Variants in SDK1 observed in about 807,000 individuals in gnomAD.
SDK1 encodes the protein sidekick cell adhesion molecule 1, also known as protein sidekick-1.
SDK1 carries 157 observed loss-of-function variants against 245.5 expected under a neutral mutation model. The ratio of observed to expected loss-of-function variants is 0.64; its 90% CI spans 0.56 to 0.73. SDK1 has a LOEUF of 0.73. Among genes scored for constraint, SDK1 ranks in the 30% least tolerant of loss-of-function variants. The probability of loss-of-function intolerance (pLI) is 0.00; values close to 1 mark genes in which losing one functional copy is unlikely to be tolerated. For synonymous variants in SDK1, 1,647 were observed against 1,278.5 expected, an observed-to-expected ratio of 1.29 and a Z score of -6.15; for missense variants, 3,583 against 3,002.3, an observed-to-expected ratio of 1.19 and a Z score of -4.52.
intron 1 of SDK1, among the ~76,000 whole-genome samples, chr7:3,543,570 A>C (rs555637060): frequency 6.6e-6 from 1 of 152,360 alleles, no homozygotes; most frequent in Admixed American, 6.5e-5. Context: ...ACATAAAGGC[A>C]GGTCTGGAAA....
Position 3,940,652 on chromosome 7 carries a change from G to A in SDK1, c.848-10271G>A, listed in dbSNP as rs181694568. ...AGCCTGGGCAACACGATGAAACCCC[G>A]TCTACTAAAAATACAAAAAATAGCC... On this transcript the variant is annotated intron_variant, in intron 5 of 44. Coordinates refer to ENST00000404826, the MANE Select transcript of SDK1 (RefSeq NM_152744.4). 1.7e-3 allele frequency among the ~76,000 whole-genome samples: 258 copies of A among 151,792 alleles called. 1 individual carries two copies. The highest frequency in any genetic ancestry group is 3.1e-3 in the Non-Finnish European group (212 of 67,942).
At position 3,846,106 on chromosome 7, in the gene SDK1, C is replaced by T. The variant is rs186083913; in HGVS notation, c.847+24523C>T. Among the ~76,000 whole-genome samples the T allele has an allele frequency of 7.9e-5, 12 of 152,234 alleles. No homozygotes were observed. In the East Asian group the frequency reaches 2.3e-3, roughly 29 times the overall value. ...AAGTGCGTCCCAGGAATTTTATTAA[C>T]TATATGTTTAGGTTGCTGAGAAATG... is the stretch of plus-strand genomic sequence containing the variant. On this transcript the variant is annotated intron_variant, in intron 5 of 44. Transcript: ENST00000404826.
intron 1 of SDK1, among the ~76,000 whole-genome samples, chr7:3,446,488 T>A (rs990714650): frequency 6.6e-6 from 1 of 152,176 alleles, no homozygotes; most frequent in Admixed American, 6.5e-5. Flanking sequence ...AGTCCTTTCT[T>A]TGACTTTGAG....
At chr7:3,576,463 C>T (rs775382600) in intron 1 of SDK1, among the ~76,000 whole-genome samples, 16 of 152,016 alleles carry the variant, frequency 1.1e-4, no homozygotes, top group Non-Finnish European at 1.8e-4. Context: ...AAGAAGTCCC[C>T]GTTTGCAGTG....
chr7:3,618,313 A>G (rs905570485), intron 1 of SDK1, among the ~76,000 whole-genome samples: 101 of 152,188 alleles, frequency 6.6e-4, no homozygotes, highest in African/African-American at 2.4e-3. Context: ...TCGCTATCCC[A>G]TCCCTCAGAG....
chr7:4,244,467 T>C (rs982186037), intron 43 of SDK1, among the ~76,000 whole-genome samples: 1 of 151,972 alleles, frequency 6.6e-6, no homozygotes, highest in Admixed American at 6.6e-5. Context: ...GTACTCAGAG[T>C]TTTTCCCCAA....
Position 4,268,909 on chromosome 7 carries a change from T to C in SDK1, c.*3525T>C, listed in dbSNP as rs1788637393. The C allele has an allele frequency of 2.6e-6, 1 of 387,260 alleles. No individual in the cohort carries two copies. Among genetic ancestry groups the C allele is most frequent in the Non-Finnish European group, 5.0e-6 (1 of 200,448 alleles). The allele number at this position is 387,260 out of a possible 1,614,324, so 24.0% of individuals were successfully genotyped here. ...TTCTGAAATTGTGCAGAAAAACAGA[T>C]CTCATTAAAAGAAAAAAAGAAACAA... On this transcript the variant is annotated 3_prime_UTR_variant, in exon 45 of 45. Coordinates refer to ENST00000404826, the MANE Select transcript of SDK1 (RefSeq NM_152744.4).
At chr7:3,627,720 A>G (rs149331769) in intron 2 of SDK1, among the ~76,000 whole-genome samples, 2 of 152,188 alleles carry the variant, frequency 1.3e-5, no homozygotes, top group African/African-American at 4.8e-5. Flanking sequence ...TGACCGATTG[A>G]TGTCCCATTT....
chr7:3,452,451 C>T (rs1006240640), intron 1 of SDK1, among the ~76,000 whole-genome samples: 2 of 152,038 alleles, frequency 1.3e-5, no homozygotes, highest in African/African-American at 4.8e-5. Flanking sequence ...TATAAACATC[C>T]CTGTAATAAA....
chr7:3,585,177 A>G (rs1780644259), intron 1 of SDK1, among the ~76,000 whole-genome samples: 1 of 152,214 alleles, frequency 6.6e-6, no homozygotes, highest in East Asian at 1.9e-4. Context: ...ACCTGAGCAA[A>G]GATAGACTCT....
rs115097636 is a variant in SDK1, at chr7:3,326,923, C to T, written c.298+25039C>T. 4.6e-3 allele frequency among the ~76,000 whole-genome samples: 702 copies of T among 151,842 alleles called. 7 individuals are homozygous for T. The highest frequency in any genetic ancestry group is 0.016 in the African/African-American group (674 of 41,250). On this transcript the variant is annotated intron_variant, in intron 1 of 44. Transcript: ENST00000404826. The stretch of plus-strand genomic sequence containing the variant: ...ATTTTTTAAATATACTTACTGGGTA[C>T]AAAGTGGTTATAAACTTTAATAGTG...
chr7:3,880,872 C>T (rs1781193153), intron 5 of SDK1, among the ~76,000 whole-genome samples: 1 of 152,074 alleles, frequency 6.6e-6, no homozygotes, highest in South Asian at 2.1e-4. Context: ...CTTTATGTAG[C>T]ATGGGTCACT....
intron 2 of SDK1, among the ~76,000 whole-genome samples, chr7:3,626,373 T>G (rs1782121846): frequency 6.6e-6 from 1 of 152,262 alleles, no homozygotes; most frequent in Admixed American, 6.5e-5. Context: ...AGCTATAGTT[T>G]CTAACAAGGA....
intron 21 of SDK1, among the ~76,000 whole-genome samples, chr7:4,078,139 C>T (rs1022864378): frequency 1.3e-5 from 2 of 152,164 alleles, no homozygotes; most frequent in African/African-American, 4.8e-5. Flanking sequence ...TTTGGCCAAA[C>T]CCCTGATAAC....
At chr7:3,821,351 C>G in intron 4 of SDK1, 99 bp from the exon 5 acceptor site, 1 of 1,352,238 alleles carries the variant, frequency 7.4e-7, no homozygotes, top group African/African-American at 1.5e-5. Flanking sequence ...TTCTTTTAAA[C>G]TCTAGGCATT....
chr7:4,110,388 C>T (rs1783261431), intron 22 of SDK1, among the ~76,000 whole-genome samples: 1 of 152,208 alleles, frequency 6.6e-6, no homozygotes, highest in Non-Finnish European at 1.5e-5. Flanking sequence ...GAGGTTTGTT[C>T]CCAGGGGTTT....
At chr7:3,324,923 G>C (rs546731399) in intron 1 of SDK1, among the ~76,000 whole-genome samples, 1 of 152,222 alleles carries the variant, frequency 6.6e-6, no homozygotes, top group East Asian at 1.9e-4. Context: ...AACTTTCCAT[G>C]CTGAACTTGT....
intron 35 of SDK1, among the ~76,000 whole-genome samples, chr7:4,196,178 G>C (rs959877712): frequency 6.6e-6 from 1 of 152,136 alleles, no homozygotes; most frequent in Non-Finnish European, 1.5e-5. Context: ...TCAAGGCCTC[G>C]GCTTGCTTGG....
chr7:3,805,256 A>G (rs1467363930), intron 4 of SDK1, among the ~76,000 whole-genome samples: 1 of 152,220 alleles, frequency 6.6e-6, no homozygotes, highest in East Asian at 1.9e-4. Context: ...TTATTACTTC[A>G]GTGAGTGTTG....
Sources: gnomAD v4.1 joint callset for allele counts (sites outside exome capture counted in the v4.1 genomes callset) on GRCh38, gnomAD v4.1.1 for gene constraint, MANE v1.5 for transcripts, NCBI Gene and HGNC (gene_info 2026-07-23, HGNC 2026-07-21) for gene names.